Variants in NRXN3 observed in about 807,000 individuals in gnomAD.
NRXN3 encodes the protein neurexin 3, also known as neurexin III.
NRXN3 carries 32 observed loss-of-function variants against 137.6 expected under a neutral mutation model. The observed-to-expected ratio is 0.23, with a 90% CI of 0.18 to 0.31. NRXN3 has a LOEUF of 0.31. Among genes scored for constraint, NRXN3 ranks in the 10% least tolerant of loss-of-function variants. The probability of loss-of-function intolerance (pLI) is 1.00; values close to 1 mark genes in which losing one functional copy is unlikely to be tolerated. For missense variants in NRXN3, 1,574 were observed against 2,062.5 expected (o/e 0.76, Z 4.59); for synonymous variants, 798 against 784.5 (o/e 1.02, Z -0.29).
At chr14:78,998,594 A>G (rs2099534929) in intron 15 of NRXN3, among the ~76,000 whole-genome samples, 1 of 143,372 alleles carries the variant, frequency 7.0e-6, no homozygotes, top group African/African-American at 3.0e-5. Context: ...GGAGGGCTAC[A>G]TTAAATTTTT....
At chr14:78,308,724 C>G (rs1301533369) in intron 4 of NRXN3, among the ~76,000 whole-genome samples, 1 of 152,010 alleles carries the variant, frequency 6.6e-6, no homozygotes, top group African/African-American at 2.4e-5. Context: ...TCTCAAACCT[C>G]AAATACTATT....
chr14:79,753,356 G>A (rs2099005635), intron 19 of NRXN3, among the ~76,000 whole-genome samples: 1 of 152,000 alleles, frequency 6.6e-6, no homozygotes, highest in Non-Finnish European at 1.5e-5. Flanking sequence ...TTAAGAAAAT[G>A]TGGCACATAT....
chr14:79,514,899 G>T (rs1484758994), intron 16 of NRXN3, among the ~76,000 whole-genome samples: 1 of 141,600 alleles, frequency 7.1e-6, no homozygotes, highest in East Asian at 1.9e-4. Context: ...TCTGTCTAGG[G>T]GGTAATGTGC....
chr14:78,529,281 A>T (rs1350551955), intron 4 of NRXN3, among the ~76,000 whole-genome samples: 1 of 152,180 alleles, frequency 6.6e-6, no homozygotes, highest in Non-Finnish European at 1.5e-5. Context: ...GAATTACTTG[A>T]CAATGTGGGA....
At position 78,735,165 on chromosome 14, in the gene NRXN3, T is replaced by G. The variant is rs372285274; in HGVS notation, c.2044+20026T>G. Among the ~76,000 whole-genome samples the G allele has an allele frequency of 3.9e-5, 6 of 152,296 alleles. No individual in the cohort carries two copies. The South Asian group carries it at 1.0e-3, about 26-fold the overall frequency. ...TAGAAGATCCTATATTTGTAGCACT[T>G]GAGATGTCAAAGAAAAACAAATCAG... On this transcript the variant is annotated intron_variant, in intron 8 of 20. Transcript: ENST00000335750.
chr14:78,531,626 G>A (rs1456343448), intron 4 of NRXN3, among the ~76,000 whole-genome samples: 1 of 150,932 alleles, frequency 6.6e-6, no homozygotes, highest in African/African-American at 2.4e-5. Flanking sequence ...CCTTTTTTTT[G>A]CATGTGCTGG....
At chr14:78,293,711 GC>G (rs2076031780) in intron 3 of NRXN3, among the ~76,000 whole-genome samples, 1 of 151,900 alleles carries the variant, frequency 6.6e-6, no homozygotes, top group African/African-American at 2.4e-5. Context: ...TTTTTCTTTT[GC>G]CCATGAACCC....
At chr14:78,869,265 A>C (rs2099095474) in intron 10 of NRXN3, among the ~76,000 whole-genome samples, 1 of 152,114 alleles carries the variant, frequency 6.6e-6, no homozygotes. Context: ...TCTCTTCTTC[A>C]TGTCTTTCTC....
chr14:78,425,792 G>A (rs2093641096), intron 4 of NRXN3, among the ~76,000 whole-genome samples: 4 of 152,122 alleles, frequency 2.6e-5, no homozygotes, highest in African/African-American at 9.7e-5. Context: ...ACAGTTCGTG[G>A]CATTTTCTGA....
chr14:79,329,449 A>G (rs1598780104), intron 15 of NRXN3, among the ~76,000 whole-genome samples: 1 of 152,018 alleles, frequency 6.6e-6, no homozygotes, highest in Non-Finnish European at 1.5e-5. Flanking sequence ...GTCCTGTGTG[A>G]CTCTACTGGC....
intron 15 of NRXN3, among the ~76,000 whole-genome samples, chr14:79,426,410 T>G (rs2095655465): frequency 6.6e-6 from 1 of 152,172 alleles, no homozygotes; most frequent in Non-Finnish European, 1.5e-5. Context: ...CATTTTGACA[T>G]TCAATCAGAG....
intron 15 of NRXN3, among the ~76,000 whole-genome samples, chr14:79,116,373 C>G (rs1314547076): frequency 6.6e-6 from 1 of 152,176 alleles, no homozygotes. Flanking sequence ...CATGCCCTTT[C>G]TCTTTCATAG....
Position 79,352,296 on chromosome 14 carries a change from T to A in NRXN3, c.3263-114925T>A, listed in dbSNP as rs182803059. Among the ~76,000 whole-genome samples, 150 of 152,252 alleles carry A rather than the reference T, an allele frequency of 9.9e-4. 1 individual carries two copies. Among genetic ancestry groups the A allele is most frequent in the African/African-American group, 3.5e-3 (144 of 41,570 alleles). Reference sequence around the variant, plus strand: ...TTGGCCTCACACTGACTGAAACATCTGGTTGTGTAGCTAAATGTTATGTTC... The same window carrying A: ...TTGGCCTCACACTGACTGAAACATCAGGTTGTGTAGCTAAATGTTATGTTC... On this transcript the variant is annotated intron_variant, in intron 15 of 20. Transcript: ENST00000335750.
chr14:78,205,277 C>T (rs1375009329), intron 1 of NRXN3, among the ~76,000 whole-genome samples: 9 of 152,216 alleles, frequency 5.9e-5, no homozygotes, highest in Admixed American at 5.2e-4. Flanking sequence ...ATCCCTTTAC[C>T]TACTGATGAG....
At chr14:79,048,459 G>A (rs1407449498) in intron 15 of NRXN3, among the ~76,000 whole-genome samples, 3 of 152,090 alleles carry the variant, frequency 2.0e-5, no homozygotes, top group Admixed American at 1.3e-4. Context: ...ACACCGATTG[G>A]CACACAGCTT....
At chr14:78,458,513 T>C (rs2094821403) in intron 4 of NRXN3, among the ~76,000 whole-genome samples, 1 of 152,220 alleles carries the variant, frequency 6.6e-6, no homozygotes, top group Non-Finnish European at 1.5e-5. Flanking sequence ...TGAAATCATA[T>C]TCTTCACGTT....
At chr14:79,139,425 A>G (rs1253977437) in intron 15 of NRXN3, among the ~76,000 whole-genome samples, 2 of 152,170 alleles carry the variant, frequency 1.3e-5, no homozygotes, top group Non-Finnish European at 2.9e-5. Flanking sequence ...AGTCCTAGTA[A>G]ATAACACCAT....
At chr14:78,579,659 A>C (rs1482128895) in intron 4 of NRXN3, among the ~76,000 whole-genome samples, 2 of 152,168 alleles carry the variant, frequency 1.3e-5, no homozygotes, top group African/African-American at 4.8e-5. Context: ...ATGGCTTCGT[A>C]GAATCAAGTG....
At chr14:79,638,823 C>T (rs13313410) in intron 16 of NRXN3, among the ~76,000 whole-genome samples, 4,872 of 152,252 alleles carry the variant, frequency 0.032, 235 homozygotes, top group African/African-American at 0.11. Context: ...ACGGAGAAGG[C>T]GCTGAGGCTT....
Sources: allele counts gnomAD v4.1 joint callset (sites outside exome capture counted in the v4.1 genomes callset), GRCh38; gene constraint gnomAD v4.1.1; transcripts MANE v1.5; gene names NCBI Gene and HGNC (gene_info 2026-07-23, HGNC 2026-07-21).